CEP162: variants seen among roughly 807,000 people sequenced by gnomAD.
The protein encoded by CEP162 is centrosomal protein of 162 kDa.
Under a neutral mutation model 169.2 loss-of-function variants are expected in CEP162, and 141 were observed. The ratio of observed to expected loss-of-function variants is 0.83; its 90% CI spans 0.73 to 0.96. The LOEUF (loss-of-function observed/expected upper bound fraction) is 0.96, where lower values mean the gene tolerates loss of function less well. CEP162 is among the 40% of genes least tolerant of loss of function. The pLI is 0.00. For synonymous variants in CEP162, 540 were observed against 526.4 expected (o/e 1.03, Z -0.35); for missense variants, 1,600 against 1,587.2 (o/e 1.01, Z -0.14).
intron 25 of CEP162, among the ~76,000 whole-genome samples, chr6:84,132,396 C>T (rs1248715108): frequency 6.6e-6 from 1 of 152,136 alleles, no homozygotes; most frequent in African/African-American, 2.4e-5. Context: ...TTCTGCCTTG[C>T]TAGGCTGGGG....
intron 6 of CEP162, among the ~76,000 whole-genome samples, chr6:84,209,734 C>A (rs2099548716): frequency 6.6e-6 from 1 of 152,142 alleles, no homozygotes; most frequent in Non-Finnish European, 1.5e-5. Context: ...AGTATGATTT[C>A]TGATTGGGAA....
chr6:84,226,295 G>C (rs2099555726), intron 2 of CEP162, 42 bp downstream of exon 2: 1 of 1,323,616 alleles, frequency 7.6e-7, no homozygotes, highest in Non-Finnish European at 1.1e-6. Context: ...TGAGTCTTTT[G>C]AGACAAATTT....
At chr6:84,132,610 T>C (rs1450388953) in intron 25 of CEP162, among the ~76,000 whole-genome samples, 1 of 152,210 alleles carries the variant, frequency 6.6e-6, no homozygotes, top group Admixed American at 6.5e-5. Flanking sequence ...CAATCACTGA[T>C]ACCCTTTCTT....
intron 13 of CEP162, among the ~76,000 whole-genome samples, chr6:84,180,924 G>C (rs2099534534): frequency 6.6e-6 from 1 of 152,106 alleles, no homozygotes; most frequent in Non-Finnish European, 1.5e-5. Context: ...TACTGCCCAA[G>C]GTAATTTATA....
intron 2 of CEP162, among the ~76,000 whole-genome samples, chr6:84,225,018 C>T (rs187804710): frequency 1.3e-5 from 2 of 152,168 alleles, no homozygotes; most frequent in African/African-American, 4.8e-5. Context: ...ACAAAGAAGG[C>T]ATTATTTTTC....
At position 84,161,841 on chromosome 6, in the gene CEP162, T is replaced by C. The variant is rs1410021342; in HGVS notation, c.2581A>G (p.Arg861Gly). 2 of 1,591,602 alleles carry C rather than the reference T, an allele frequency of 1.3e-6. No homozygotes were observed. Among genetic ancestry groups the C allele is most frequent in the Admixed American group, 1.7e-5 (1 of 57,728 alleles). The change falls in exon 20 of 27, where the codon AGA (arginine) becomes GGA (glycine). Residue 861 changes from arginine (R) to glycine (G), a missense_variant. By Grantham distance (125) the Arg-to-Gly change is moderately radical (BLOSUM62 -2). Coordinates refer to ENST00000403245, the MANE Select transcript of CEP162 (RefSeq NM_014895.4). ...HKQEISRLQK[R>G]LQWYAENQEL... ...TGATTTTCAGCATACCACTGTAATC[T>C]TTTTTGCAGACGACTGATTTCTTGT...
intron 24 of CEP162, among the ~76,000 whole-genome samples, chr6:84,148,910 GACAA>G (rs953969770): frequency 1.3e-5 from 2 of 152,050 alleles, no homozygotes; most frequent in Admixed American, 6.6e-5. Flanking sequence ...TTTTATAAGT[GACAA>G]ACAGTACAGA....
chr6:84,164,244 G>A (rs1380666286), intron 18 of CEP162, among the ~76,000 whole-genome samples: 3 of 152,186 alleles, frequency 2.0e-5, no homozygotes. Flanking sequence ...CTTTTACACT[G>A]TTGGTGGGAG....
intron 22 of CEP162, among the ~76,000 whole-genome samples, chr6:84,154,540 G>A (rs148173587): frequency 3.3e-5 from 5 of 152,030 alleles, no homozygotes; most frequent in East Asian, 1.9e-4. Context: ...TGCTTTTCTC[G>A]GGATATAAAT....
At chr6:84,170,129 G>A (rs1005139192) in intron 17 of CEP162, among the ~76,000 whole-genome samples, 2 of 151,812 alleles carry the variant, frequency 1.3e-5, no homozygotes, top group East Asian at 1.9e-4. Flanking sequence ...ATCCCAGCAC[G>A]TTGGGAGGCC....
At chr6:84,128,164 A>G (rs960541072) in intron 25 of CEP162, among the ~76,000 whole-genome samples, 2 of 152,178 alleles carry the variant, frequency 1.3e-5, no homozygotes, top group African/African-American at 4.8e-5. Context: ...TAGTCCATTC[A>G]CCTTTCAATG....
In CEP162 at chr6:84,124,747, C is replaced by G. The variant is rs1170420142; in HGVS notation, c.*323G>C. On this transcript the variant is annotated 3_prime_UTR_variant, in exon 27 of 27. Coordinates refer to ENST00000403245, the MANE Select transcript of CEP162 (RefSeq NM_014895.4). ...TCTAAAATAAAAATTTTAAAAACCT[C>G]ACATTATCAATAAAAATGTGGCGGA... 3 of 307,136 alleles carry G rather than the reference C, an allele frequency of 9.8e-6. No homozygotes were observed. Among genetic ancestry groups the G allele is most frequent in the African/African-American group, 6.8e-5 (3 of 43,850 alleles). 19.0% of individuals were successfully genotyped at this position (307,136 alleles called of 1,614,324 possible). A position where few individuals can be genotyped will look rare whatever the true frequency, so the allele number is the denominator to read the frequency against.
At chr6:84,137,224 C>G (rs990041654) in intron 25 of CEP162, among the ~76,000 whole-genome samples, 1 of 152,204 alleles carries the variant, frequency 6.6e-6, no homozygotes, top group Non-Finnish European at 1.5e-5. Flanking sequence ...TGCTGCCTTG[C>G]TAGCCTGCTG....
intron 11 of CEP162, among the ~76,000 whole-genome samples, chr6:84,188,854 T>C (rs968446578): frequency 2.0e-5 from 3 of 152,256 alleles, no homozygotes; most frequent in Non-Finnish European, 4.4e-5. Flanking sequence ...CCACCAGCAG[T>C]GTATAAATGT....
intron 25 of CEP162, among the ~76,000 whole-genome samples, chr6:84,135,526 C>G (rs555766732): frequency 6.6e-6 from 1 of 152,292 alleles, no homozygotes; most frequent in South Asian, 2.1e-4. Flanking sequence ...CTACACATCT[C>G]AATTTAAACT....
At chr6:84,221,236 A>G in intron 2 of CEP162, 65 bp from the exon 3 acceptor site, 1 of 797,240 alleles carries the variant, frequency 1.3e-6, no homozygotes, top group South Asian at 1.5e-5. Context: ...CAGATTCATC[A>G]TTAAGCATGT....
chr6:84,132,903 G>A (rs2099512203), intron 25 of CEP162, among the ~76,000 whole-genome samples: 1 of 152,072 alleles, frequency 6.6e-6, no homozygotes, highest in Non-Finnish European at 1.5e-5. Flanking sequence ...CAGCTGGCAA[G>A]GAGCTGTGTT....
At chr6:84,217,417 C>T (rs952310232) in intron 3 of CEP162, among the ~76,000 whole-genome samples, 1 of 151,962 alleles carries the variant, frequency 6.6e-6, no homozygotes, top group South Asian at 2.1e-4. Context: ...GGGTGAGGGA[C>T]CAATCCACAT....
intron 6 of CEP162, among the ~76,000 whole-genome samples, chr6:84,204,342 G>C (rs566816878): frequency 3.3e-5 from 5 of 152,110 alleles, no homozygotes; most frequent in Non-Finnish European, 7.4e-5. Context: ...AGCACTCCTC[G>C]GCAAATGTAA....
Sources: gnomAD v4.1 joint callset for allele counts (sites outside exome capture counted in the v4.1 genomes callset) on GRCh38, gnomAD v4.1.1 for gene constraint, MANE v1.5 for transcripts, NCBI Gene and HGNC (gene_info 2026-07-23, HGNC 2026-07-21) for gene names.